Variants in MAGEC3 observed in about 807,000 individuals in gnomAD.
MAGEC3 encodes MAGE family member C3.
In MAGEC3, 34 loss-of-function variants were observed where a neutral mutation model predicts 35.3. The ratio of observed to expected loss-of-function variants is 0.96; its 90% CI spans 0.73 to 1.28. The LOEUF (loss-of-function observed/expected upper bound fraction) is 1.28. MAGEC3 is among the 50% of genes most tolerant of loss of function. The pLI is 0.00. For synonymous variants in MAGEC3, 202 were observed against 185.6 expected, an observed-to-expected ratio of 1.09 and a Z score of -0.72; for missense variants, 561 against 483.6, an observed-to-expected ratio of 1.16 and a Z score of -1.50.
At position 141,896,982 on chromosome X, in the gene MAGEC3, GCAGAGTCCTCCC is replaced by G. The variant is rs1569476179; in HGVS notation, c.1235_1246del (p.Pro412_Pro415del). ...CCAAGATCTCTCCCCAGGGTCCTCCGCAGAGTCCTCCCCAGAGTCCTCTAGACTCCTGCTCAT... is the reference window on the plus strand; with the variant it reads ...CCAAGATCTCTCCCCAGGGTCCTCCGCAGAGTCCTCTAGACTCCTGCTCAT... On this transcript the variant is annotated inframe_deletion, in exon 7 of 8. Transcript: ENST00000298296. The G allele has an allele frequency of 1.5e-5, 18 of 1,201,652 alleles. No homozygotes were observed. The highest frequency in any genetic ancestry group is 2.0e-5 in the Non-Finnish European group (18 of 890,960).
Position 141,885,663 on chromosome X carries a change from C to CAAA in MAGEC3, c.909+3890_909+3892dup, listed in dbSNP as rs35973319. The stretch of plus-strand genomic sequence containing the variant: ...TGGGTGACAGAGTGAGACTTCGTCT[C>CAAA]AAAAAAAAAAAAAAAAAAAAAAAAA... On this transcript the variant is annotated intron_variant, in intron 4 of 7. Coordinates refer to ENST00000298296, the MANE Select transcript of MAGEC3 (RefSeq NM_138702.1). Among the ~76,000 whole-genome samples, 211 of 40,370 alleles carry CAAA rather than the reference C, an allele frequency of 5.2e-3. 5 individuals carry two copies. Among genetic ancestry groups the CAAA allele is most frequent in the South Asian group, 0.038 (7 of 183 alleles). The allele number at this position is 40,370 out of a possible 115,157, so 35.1% of individuals were successfully genotyped here.
At chrX:141,880,256 G>A (rs1805717438) in intron 3 of MAGEC3, among the ~76,000 whole-genome samples, 1 of 111,849 alleles carries the variant, frequency 8.9e-6, no homozygotes, top group Admixed American at 9.4e-5. Context: ...TAGAGTGCTG[G>A]GAGGTGGCTG....
intron 4 of MAGEC3, among the ~76,000 whole-genome samples, chrX:141,882,668 G>A (rs2017975329): frequency 8.9e-6 from 1 of 112,271 alleles, no homozygotes; most frequent in African/African-American, 3.2e-5. Flanking sequence ...ATAAATAAAA[G>A]CATCTCTGAC....
At position 141,881,424 on chromosome X, in the gene MAGEC3, G is replaced by T; in HGVS notation, c.537G>T (p.Leu179Phe). 8.3e-7 allele frequency: 1 copy of T among 1,204,042 alleles called. No homozygotes were observed. Among genetic ancestry groups the T allele is most frequent in the Non-Finnish European group, 1.1e-6 (1 of 892,261 alleles). ...KAGSLPESEP[L>F]FTYTLDEKVD... ...ACAGCTTGCCAGAGAGCGAGCCCTT[G>T]TTCACTTATACACTGGATGAAAAGG... Residue 179 changes from leucine (L) to phenylalanine (F), a missense_variant, in exon 4 of 8, where the codon TTG becomes TTT. By Grantham distance (22) the Leu-to-Phe change is conservative. Coordinates refer to ENST00000298296, the MANE Select transcript of MAGEC3 (RefSeq NM_138702.1).
At chrX:141,884,511 G>A (rs925630804) in intron 4 of MAGEC3, among the ~76,000 whole-genome samples, 1 of 110,960 alleles carries the variant, frequency 9.0e-6, no homozygotes. Context: ...TGTCCCTCTA[G>A]AGAACCCTGA....
intron 4 of MAGEC3, among the ~76,000 whole-genome samples, chrX:141,888,202 T>C (rs1319085464): frequency 8.9e-6 from 1 of 111,807 alleles, no homozygotes; most frequent in Non-Finnish European, 1.9e-5. Context: ...CTATGATCAG[T>C]TGATGGAGGA....
chrX:141,867,593 T>C (rs1190438355), intron 2 of MAGEC3, among the ~76,000 whole-genome samples: 1 of 112,260 alleles, frequency 8.9e-6, no homozygotes, highest in East Asian at 2.8e-4. Flanking sequence ...GGTGTATTTT[T>C]CTAAAATAAA....
intron 1 of MAGEC3, among the ~76,000 whole-genome samples, chrX:141,849,975 G>A (rs1240534293): frequency 1.8e-5 from 2 of 111,142 alleles, no homozygotes; most frequent in East Asian, 5.7e-4. Flanking sequence ...ATCAACCTAG[G>A]TGCCCATCAA....
intron 3 of MAGEC3, chrX:141,880,805 C>G: frequency 2.7e-6 from 3 of 1,093,110 alleles, no homozygotes; most frequent in Non-Finnish European, 3.8e-6. Context: ...CCGTGAGGCC[C>G]TAGAGCACCA....
intron 2 of MAGEC3, among the ~76,000 whole-genome samples, chrX:141,872,745 C>T (rs917227550): frequency 8.1e-5 from 9 of 111,759 alleles, no homozygotes; most frequent in Non-Finnish European, 1.7e-4. Context: ...AGTGAAATAT[C>T]CACTGCAGGT....
chrX:141,874,537 C>T (rs2017908186), intron 2 of MAGEC3, among the ~76,000 whole-genome samples: 1 of 111,633 alleles, frequency 9.0e-6, no homozygotes, highest in Non-Finnish European at 1.9e-5. Context: ...GACAAAAGAT[C>T]TGAGTAGATA....
intron 1 of MAGEC3, among the ~76,000 whole-genome samples, chrX:141,844,858 C>T (rs182763010): frequency 4.4e-4 from 49 of 110,707 alleles, no homozygotes; most frequent in African/African-American, 1.6e-3. Context: ...TTTGGAAATA[C>T]CCTCTAGTGT....
chrX:141,892,261 A>C (rs2018048164), intron 4 of MAGEC3, among the ~76,000 whole-genome samples: 1 of 111,933 alleles, frequency 8.9e-6, no homozygotes, highest in South Asian at 3.7e-4. Flanking sequence ...TGACAGCACA[A>C]ATGTTAATAA....
chrX:141,842,161 A>T (rs1399374078), intron 1 of MAGEC3, among the ~76,000 whole-genome samples: 1 of 111,899 alleles, frequency 8.9e-6, no homozygotes, highest in Non-Finnish European at 1.9e-5. Flanking sequence ...TAATATTAAG[A>T]TAAACTTAAA....
At chrX:141,879,079 C>T in intron 2 of MAGEC3, 96 bp from the exon 3 acceptor site, 9 of 1,017,501 alleles carry the variant, frequency 8.8e-6, no homozygotes, top group Non-Finnish European at 1.0e-5. Flanking sequence ...GAAGGCCAGG[C>T]GGTTTCCAGG....
At chrX:141,871,458 G>A (rs930827238) in intron 2 of MAGEC3, among the ~76,000 whole-genome samples, 2 of 111,815 alleles carry the variant, frequency 1.8e-5, no homozygotes, top group Non-Finnish European at 3.8e-5. Flanking sequence ...CACCAAGAGT[G>A]TGGCAAGACA....
intron 6 of MAGEC3, 107 bp from the exon 7 acceptor site, chrX:141,896,775 C>T (rs1192640677): frequency 8.3e-7 from 1 of 1,209,621 alleles, no homozygotes; most frequent in Non-Finnish European, 1.1e-6. Context: ...ATGCCTCCTC[C>T]ACTTCCTCTT....
intron 2 of MAGEC3, among the ~76,000 whole-genome samples, chrX:141,869,735 G>A (rs936666245): frequency 2.7e-5 from 3 of 111,971 alleles, no homozygotes; most frequent in African/African-American, 9.7e-5. Flanking sequence ...AAAATGTCTA[G>A]TTTGGATACA....
chrX:141,865,790 G>A (rs1275085819), intron 2 of MAGEC3, among the ~76,000 whole-genome samples, 185 bp downstream of exon 2: 1 of 111,933 alleles, frequency 8.9e-6, no homozygotes, highest in Non-Finnish European at 1.9e-5. Flanking sequence ...CAAGTCAGCA[G>A]AGAGAGAAGT....
Sources: allele counts gnomAD v4.1 joint callset (sites outside exome capture counted in the v4.1 genomes callset), GRCh38; gene constraint gnomAD v4.1.1; transcripts MANE v1.5; gene names NCBI Gene and HGNC (gene_info 2026-07-23, HGNC 2026-07-21).